The following RAD51B variants were observed in gnomAD, a reference collection of about 807,000 sequenced individuals.
RAD51B encodes DNA repair protein RAD51 homolog 2.
RAD51B carries 38 observed loss-of-function variants against 42.2 expected under a neutral mutation model. The observed-to-expected ratio is 0.90, with a 90% CI of 0.70 to 1.18. The LOEUF is 1.18. RAD51B is among the 50% of genes most tolerant of loss of function. The pLI, the probability that RAD51B is intolerant of heterozygous loss-of-function variation, is 0.00. For missense variants in RAD51B, 373 were observed against 400.7 expected (o/e 0.93, Z 0.59); for synonymous variants, 154 against 145.2 (o/e 1.06, Z -0.43).
intron 7 of RAD51B, among the ~76,000 whole-genome samples, chr14:68,213,326 G>A (rs1350906364): frequency 2.0e-5 from 3 of 152,174 alleles, no homozygotes; most frequent in Non-Finnish European, 4.4e-5. Flanking sequence ...ATAGATAGAT[G>A]TAGAGGCACA....
intron 5 of RAD51B, among the ~76,000 whole-genome samples, chr14:67,872,547 C>T (rs1238134200): frequency 6.8e-6 from 1 of 146,802 alleles, no homozygotes; most frequent in Non-Finnish European, 1.5e-5. Context: ...CCATCCCCAT[C>T]AAGCTACCAA....
At chr14:67,975,372 G>C (rs1248783658) in intron 7 of RAD51B, among the ~76,000 whole-genome samples, 1 of 152,072 alleles carries the variant, frequency 6.6e-6, no homozygotes, top group Non-Finnish European at 1.5e-5. Context: ...ACTCTCATTG[G>C]CCTAATCAAA....
intron 7 of RAD51B, among the ~76,000 whole-genome samples, chr14:67,919,905 G>A (rs996963547): frequency 5.9e-5 from 9 of 152,204 alleles, no homozygotes; most frequent in African/African-American, 2.2e-4. Context: ...AGAGCTTGGG[G>A]CTGACTGTTG....
At position 67,831,770 on chromosome 14, in the gene RAD51B, C is replaced by T. The variant is rs368542974; in HGVS notation, c.199-3310C>T. On this transcript the variant is annotated intron_variant, in intron 3 of 10. Coordinates refer to ENST00000471583, the MANE Select transcript of RAD51B (RefSeq NM_133510.4). ...TGTTTGTCAGCCTGGTCTGGAACTCCGGACCTCAGGTGATACGCCGGCCTC... is the reference window on the plus strand; with the variant it reads ...TGTTTGTCAGCCTGGTCTGGAACTCTGGACCTCAGGTGATACGCCGGCCTC... Among the ~76,000 whole-genome samples, 63 of 152,094 alleles carry T rather than the reference C, an allele frequency of 4.1e-4. No homozygotes were observed. In the East Asian group the frequency reaches 4.8e-3, roughly 12 times the overall value.
intron 8 of RAD51B, among the ~76,000 whole-genome samples, chr14:68,382,482 T>G (rs2083500033): frequency 7.1e-6 from 1 of 140,658 alleles, no homozygotes; most frequent in South Asian, 2.5e-4. Context: ...ATTCCTTATC[T>G]ACTGCAAATA....
At chr14:68,512,156 G>A (rs1885775531) in intron 10 of RAD51B, among the ~76,000 whole-genome samples, 1 of 152,184 alleles carries the variant, frequency 6.6e-6, no homozygotes, top group Admixed American at 6.5e-5. Context: ...CAGATAAAGG[G>A]GTGACTTGCC....
chr14:68,008,030 A>G (rs980902472), intron 7 of RAD51B, among the ~76,000 whole-genome samples: 2 of 151,944 alleles, frequency 1.3e-5, no homozygotes, highest in Non-Finnish European at 2.9e-5. Flanking sequence ...CTCTCAGGTA[A>G]CATAGGAAAT....
chr14:67,935,446 CT>C (rs2044903678), intron 7 of RAD51B, among the ~76,000 whole-genome samples: 1 of 152,174 alleles, frequency 6.6e-6, no homozygotes, highest in Non-Finnish European at 1.5e-5. Context: ...CTCACTGCAG[CT>C]TTCACCTCCT....
At chr14:68,650,821 C>G (rs776617567) in exon 11 of RAD51B, 1 of 761,102 alleles carries the variant, frequency 1.3e-6, no homozygotes, top group Non-Finnish European at 2.4e-6. Flanking sequence ...CAATCCAGAA[C>G]AGACTAAAAG....
At chr14:68,571,985 T>C (rs1223950034) in intron 10 of RAD51B, among the ~76,000 whole-genome samples, 1 of 152,172 alleles carries the variant, frequency 6.6e-6, no homozygotes, top group East Asian at 1.9e-4. Flanking sequence ...TCCATCATTA[T>C]CAATCTATAA....
At chr14:68,360,894 G>A (rs1283029642) in intron 8 of RAD51B, among the ~76,000 whole-genome samples, 3 of 152,198 alleles carry the variant, frequency 2.0e-5, no homozygotes, top group Non-Finnish European at 4.4e-5. Flanking sequence ...GACAGACTGA[G>A]GGGGTAGACA....
chr14:68,050,248 T>A (rs1414391707), intron 7 of RAD51B, among the ~76,000 whole-genome samples: 1 of 151,088 alleles, frequency 6.6e-6, no homozygotes, highest in Non-Finnish European at 1.5e-5. Context: ...CCTTTCCCTT[T>A]CTTCTGTTTT....
At chr14:68,143,135 C>T (rs2078169084) in intron 7 of RAD51B, among the ~76,000 whole-genome samples, 1 of 152,118 alleles carries the variant, frequency 6.6e-6, no homozygotes, top group Non-Finnish European at 1.5e-5. Context: ...CCCAACTTTG[C>T]CACTTTCTAA....
intron 7 of RAD51B, among the ~76,000 whole-genome samples, chr14:68,290,499 G>A (rs1241359181): frequency 6.6e-6 from 1 of 152,170 alleles, no homozygotes; most frequent in Non-Finnish European, 1.5e-5. Flanking sequence ...AAATTTGTGT[G>A]GCATTCGACC....
At chr14:67,974,605 G>A (rs2074955689) in intron 7 of RAD51B, among the ~76,000 whole-genome samples, 1 of 151,966 alleles carries the variant, frequency 6.6e-6, no homozygotes, top group African/African-American at 2.4e-5. Flanking sequence ...TAGGGTATTA[G>A]ATCAAAACAA....
At chr14:67,930,318 G>T (rs1211344695) in intron 7 of RAD51B, among the ~76,000 whole-genome samples, 5 of 151,030 alleles carry the variant, frequency 3.3e-5, no homozygotes, top group African/African-American at 1.2e-4. Flanking sequence ...ATATTTTTGT[G>T]TGTATACTTT....
At chr14:67,882,378 G>C (rs2042933943) in intron 5 of RAD51B, among the ~76,000 whole-genome samples, 1 of 152,070 alleles carries the variant, frequency 6.6e-6, no homozygotes, top group South Asian at 2.1e-4. Context: ...TTAACTTCTA[G>C]GCTTTGGGGA....
chr14:68,397,977 A>G (rs950721311), intron 8 of RAD51B, among the ~76,000 whole-genome samples: 8 of 152,236 alleles, frequency 5.3e-5, no homozygotes, highest in Non-Finnish European at 1.0e-4. Flanking sequence ...ACGCAGGAAC[A>G]TATGCTGATT....
At chr14:67,875,739 C>T (rs532166497) in intron 5 of RAD51B, among the ~76,000 whole-genome samples, 10 of 152,208 alleles carry the variant, frequency 6.6e-5, no homozygotes, top group African/African-American at 1.2e-4. Flanking sequence ...CATTATTATG[C>T]GCCATACAGC....
Sources: gnomAD v4.1 joint callset for allele counts (sites outside exome capture counted in the v4.1 genomes callset) on GRCh38, gnomAD v4.1.1 for gene constraint, MANE v1.5 for transcripts, NCBI Gene and HGNC (gene_info 2026-07-23, HGNC 2026-07-21) for gene names.